The following PMEPA1 variants were observed in gnomAD, a reference collection of about 807,000 sequenced individuals.
PMEPA1 encodes prostate transmembrane protein, androgen induced 1.
PMEPA1 carries 11 observed loss-of-function variants against 23.0 expected under a neutral mutation model. That is an observed-to-expected ratio of 0.48 (90% CI 0.30 to 0.79). PMEPA1 has a LOEUF of 0.79. PMEPA1 is among the 30% of genes least tolerant of loss of function. The pLI is 0.06. For synonymous variants in PMEPA1, 204 were observed against 166.4 expected (o/e 1.23, Z -1.74); for missense variants, 377 against 390.9 (o/e 0.96, Z 0.30).
At chr20:57,670,996 T>C (rs2071560811) in intron 1 of PMEPA1, among the ~76,000 whole-genome samples, 1 of 152,094 alleles carries the variant, frequency 6.6e-6, no homozygotes, top group Non-Finnish European at 1.5e-5. Flanking sequence ...GAGCCCTGCG[T>C]CTGAAAGTGC....
intron 1 of PMEPA1, among the ~76,000 whole-genome samples, chr20:57,680,783 G>C (rs1018357895): frequency 6.6e-6 from 1 of 152,228 alleles, no homozygotes; most frequent in African/African-American, 2.4e-5. Context: ...CATTTCTGTA[G>C]GCTGGAGTCG....
intron 1 of PMEPA1, among the ~76,000 whole-genome samples, chr20:57,661,549 CCAGTGCCACTGACT>C (rs2071418978): frequency 6.6e-6 from 1 of 152,214 alleles, no homozygotes; most frequent in African/African-American, 2.4e-5. Flanking sequence ...CAGTTCAAGC[CCAGTGCCACTGACT>C]CAGTTCCTCC....
Position 57,652,574 on chromosome 20 carries a change from G to A in PMEPA1, c.343C>T (p.Pro115Ser). Residue 115 changes from proline to serine, a missense_variant, in exon 4 of 4, where the codon CCC becomes TCC. Physicochemically the swap from Pro to Ser is moderately conservative, Grantham distance 74 (BLOSUM62 -1). Coordinates refer to ENST00000341744, the MANE Select transcript of PMEPA1 (RefSeq NM_020182.5). The surrounding 1 kb of genome is among the most constrained non-coding windows in gnomAD (Gnocchi z 6.1). ...GGCGGCACGGCCAGGCGGTCGGTGG[G>A]CCGAGGCGGGGCGTAGACCTGCGGC... ...PEPQVYAPPRPTDRLAVPPFA... is the reference protein window; with the variant it reads ...PEPQVYAPPRSTDRLAVPPFA... The A allele has an allele frequency of 6.6e-7, 1 of 1,506,974 alleles. No homozygotes were observed. The highest frequency in any genetic ancestry group is 8.9e-7 in the Non-Finnish European group (1 of 1,128,182). 93.4% of individuals were successfully genotyped at this position (1,506,974 alleles called of 1,614,324 possible).
At chr20:57,671,108 C>G (rs6092519) in intron 1 of PMEPA1, among the ~76,000 whole-genome samples, 5 of 152,154 alleles carry the variant, frequency 3.3e-5, no homozygotes, top group African/African-American at 1.2e-4. Flanking sequence ...GCCTTTTATC[C>G]TTCTTGCTAT....
At chr20:57,700,358 T>C (rs899414935) in intron 1 of PMEPA1, among the ~76,000 whole-genome samples, 2 of 152,242 alleles carry the variant, frequency 1.3e-5, no homozygotes, top group African/African-American at 4.8e-5. Flanking sequence ...GCAACTTTTA[T>C]CAACACAAAT....
intron 1 of PMEPA1, among the ~76,000 whole-genome samples, chr20:57,665,707 GCTTAGCCAGGTGTTCC>G (rs958509836): frequency 5.3e-5 from 8 of 152,200 alleles, no homozygotes; most frequent in African/African-American, 1.9e-4. Context: ...GTACAAGCCT[GCTTAGCCAGGTGTTCC>G]CTGACTGGCT....
At position 57,656,971 on chromosome 20, in the gene PMEPA1, G is replaced by T. The variant is rs1258123996; in HGVS notation, c.264+2572C>A. 2.6e-5 allele frequency among the ~76,000 whole-genome samples: 4 copies of T among 152,216 alleles called. No individual in the cohort carries two copies. The highest frequency in any genetic ancestry group is 9.6e-5 in the African/African-American group (4 of 41,458). ...GGGGAGCTGCCACATTCTGCTTTAG[G>T]CCTAGTGAGGCTCCACGTTTACCCA... is the stretch of plus-strand genomic sequence containing the variant. On this transcript the variant is annotated intron_variant, in intron 2 of 3. Transcript: ENST00000341744. This position sits in a 1 kb window ranked among gnomAD's most constrained non-coding sequence, Gnocchi z 4.7.
chr20:57,662,316 C>T (rs2071433085), intron 1 of PMEPA1, among the ~76,000 whole-genome samples: 1 of 152,296 alleles, frequency 6.6e-6, no homozygotes, highest in African/African-American at 2.4e-5. Flanking sequence ...TAAGAACGGG[C>T]GTTTTTATTA....
chr20:57,669,647 C>A (rs1359385876), intron 1 of PMEPA1, among the ~76,000 whole-genome samples: 2 of 152,174 alleles, frequency 1.3e-5, no homozygotes, highest in South Asian at 2.1e-4. Context: ...TAGAAAAGAA[C>A]AACAAATATG....
chr20:57,694,941 G>A (rs2071926491), intron 1 of PMEPA1, among the ~76,000 whole-genome samples: 1 of 152,216 alleles, frequency 6.6e-6, no homozygotes, highest in South Asian at 2.1e-4. Context: ...CAGCCACACT[G>A]CTCTTTTCTT....
intron 2 of PMEPA1, among the ~76,000 whole-genome samples, chr20:57,653,882 T>C (rs2071289332): frequency 6.6e-6 from 1 of 152,168 alleles, no homozygotes; most frequent in African/African-American, 2.4e-5. Flanking sequence ...AATCATTGCT[T>C]CTATGCATTT....
chr20:57,656,192 G>T lies in PMEPA1; in HGVS notation c.265-3106C>A, dbSNP rs145794376. Among the ~76,000 whole-genome samples the T allele has an allele frequency of 1.9e-3, 292 of 150,600 alleles. No homozygotes were observed. Among genetic ancestry groups the T allele is most frequent in the African/African-American group, 6.6e-3 (273 of 41,238 alleles). On this transcript the variant is annotated intron_variant, in intron 2 of 3. Transcript: ENST00000341744. The surrounding 1 kb of genome is among the most constrained non-coding windows in gnomAD (Gnocchi z 4.7). ...TTCGGTACCTCCCATGTCCTCAGGA[G>T]ATACTGAATTCCCCCACAGCCCAGC...
chr20:57,695,575 T>C (rs946180649), intron 1 of PMEPA1, among the ~76,000 whole-genome samples: 5 of 152,182 alleles, frequency 3.3e-5, no homozygotes, highest in South Asian at 2.1e-4. Flanking sequence ...GGAAGATCAA[T>C]TGAGATCAGA....
chr20:57,701,422 T>G (rs1330356637), intron 1 of PMEPA1, among the ~76,000 whole-genome samples: 1 of 152,232 alleles, frequency 6.6e-6, no homozygotes, highest in Non-Finnish European at 1.5e-5. Context: ...CAGCAAGCTC[T>G]GGCAATGCGT....
intron 1 of PMEPA1, among the ~76,000 whole-genome samples, chr20:57,706,426 G>C (rs1408196067): frequency 1.3e-5 from 2 of 152,278 alleles, no homozygotes. Flanking sequence ...GCTGTCACTC[G>C]TGCTGCCTGC....
chr20:57,706,312 G>A (rs571340189), intron 1 of PMEPA1, among the ~76,000 whole-genome samples: 17 of 152,314 alleles, frequency 1.1e-4, no homozygotes, highest in Middle Eastern at 3.4e-3. Context: ...TCTCTGAGAC[G>A]CAGCAGAACT....
At chr20:57,658,442 C>A (rs1026964371) in intron 2 of PMEPA1, among the ~76,000 whole-genome samples, 1 of 152,196 alleles carries the variant, frequency 6.6e-6, no homozygotes, top group African/African-American at 2.4e-5. Flanking sequence ...AGCAGCACCC[C>A]CTGGGACTGG....
At chr20:57,707,768 A>G (rs1276252551) in intron 1 of PMEPA1, among the ~76,000 whole-genome samples, 1 of 152,024 alleles carries the variant, frequency 6.6e-6, no homozygotes, top group African/African-American at 2.4e-5. Flanking sequence ...GAGGTCCTCA[A>G]GGCAGCTTTA....
intron 1 of PMEPA1, among the ~76,000 whole-genome samples, chr20:57,676,338 C>A (rs1436596275): frequency 6.6e-6 from 1 of 152,204 alleles, no homozygotes; most frequent in Non-Finnish European, 1.5e-5. Context: ...GGTACTAGCT[C>A]TCGGAACGCT....
Sources: gnomAD v4.1 joint callset for allele counts (sites outside exome capture counted in the v4.1 genomes callset) on GRCh38, gnomAD v4.1.1 for gene constraint, Gnocchi (gnomAD v3.1) non-coding constraint, MANE v1.5 for transcripts, NCBI Gene and HGNC (gene_info 2026-07-23, HGNC 2026-07-21) for gene names.